Variants in RIMBP2 observed in about 807,000 individuals in gnomAD.
RIMBP2 encodes RIMS binding protein 2.
RIMBP2 carries 48 observed loss-of-function variants against 118.6 expected under a neutral mutation model. The observed-to-expected ratio is 0.40, with a 90% confidence interval of 0.32 to 0.51. RIMBP2 has a LOEUF of 0.51. RIMBP2 is among the 20% of genes least tolerant of loss of function. The pLI, the probability that RIMBP2 is intolerant of heterozygous loss-of-function variation, is 0.41. For synonymous variants in RIMBP2, 762 were observed against 742.9 expected, an observed-to-expected ratio of 1.03 and a Z score of -0.42; for missense variants, 1,551 against 1,768.3, an observed-to-expected ratio of 0.88 and a Z score of 2.20.
intron 2 of RIMBP2, among the ~76,000 whole-genome samples, chr12:130,558,402 C>T (rs1446823161): frequency 2.6e-5 from 4 of 152,102 alleles, no homozygotes; most frequent in African/African-American, 4.8e-5. Context: ...ACACAGCTGC[C>T]GGGGTGGGGC....
At chr12:130,602,772 C>T (rs7975038) in intron 2 of RIMBP2, among the ~76,000 whole-genome samples, 100,805 of 152,098 alleles carry the variant, frequency 0.66, 33,585 homozygotes, top group South Asian at 0.81. Flanking sequence ...ATGTTAAGAA[C>T]GTGTTTCCAT....
rs549301942 is a variant in RIMBP2 at position 130,511,208 on chromosome 12, C to G, written c.-126-4438G>C. The stretch of plus-strand genomic sequence containing the variant: ...ATGCTCTGCTGCCAGCTTTGAAGAT[C>G]AGGGAAGGAAGCCAAAAAAAGGCAA... On this transcript the variant is annotated intron_variant, in intron 3 of 22. Coordinates refer to ENST00000690449, the MANE Select transcript of RIMBP2 (RefSeq NM_001393629.1). The surrounding 1 kb of genome is among the most constrained non-coding windows in gnomAD (Gnocchi z 4.3). Among the ~76,000 whole-genome samples the G allele has an allele frequency of 1.2e-4, 19 of 152,142 alleles. No homozygotes were observed. The South Asian group carries it at 3.7e-3, about 30-fold the overall frequency.
intron 6 of RIMBP2, among the ~76,000 whole-genome samples, chr12:130,458,836 G>C (rs2079692192): frequency 6.6e-6 from 1 of 152,060 alleles, no homozygotes; most frequent in South Asian, 2.1e-4. Context: ...CCTGAGCTCA[G>C]GAGTTCGAGA....
intron 17 of RIMBP2, among the ~76,000 whole-genome samples, chr12:130,418,936 G>A (rs1371799676): frequency 6.6e-6 from 1 of 152,206 alleles, no homozygotes; most frequent in East Asian, 1.9e-4. Flanking sequence ...GCTCCTTCCA[G>A]AGAACTGCCC....
intron 17 of RIMBP2, among the ~76,000 whole-genome samples, chr12:130,418,374 G>A (rs146138243): frequency 2.6e-5 from 4 of 152,322 alleles, no homozygotes; most frequent in African/African-American, 9.6e-5. Flanking sequence ...TCAATAGAAT[G>A]TGAAGCGCTC....
In RIMBP2 at chr12:130,620,424, G is replaced by T. The variant is rs991563532; in HGVS notation, c.-217+7898C>A. ...AATCCCCTTCCCCTTTAGGTGGCCA[G>T]CACCAGGTTCTGCTGCGTGCAACCA... On this transcript the variant is annotated intron_variant, in intron 2 of 22. Transcript: ENST00000690449. This position sits in a 1 kb window ranked among gnomAD's most constrained non-coding sequence, Gnocchi z 5.3. 3.9e-5 allele frequency among the ~76,000 whole-genome samples: 6 copies of T among 152,146 alleles called. No individual in the cohort carries two copies. Among genetic ancestry groups the T allele is most frequent in the African/African-American group, 1.2e-4 (5 of 41,422 alleles).
chr12:130,453,713 G>GAAT (rs1274873120), intron 7 of RIMBP2, among the ~76,000 whole-genome samples: 2 of 152,230 alleles, frequency 1.3e-5, no homozygotes, highest in Non-Finnish European at 1.5e-5. Context: ...GGCACAAGAT[G>GAAT]AATACTCTTT....
At chr12:130,474,245 C>T (rs2081250322) in intron 5 of RIMBP2, among the ~76,000 whole-genome samples, 3 of 152,176 alleles carry the variant, frequency 2.0e-5, no homozygotes, top group Non-Finnish European at 2.9e-5. Flanking sequence ...GCCTCCGCCC[C>T]GCAGGTTACA....
chr12:130,399,888 A>G (rs1159439212), intron 21 of RIMBP2, 75 bp from the exon 22 acceptor site: 7 of 1,520,592 alleles, frequency 4.6e-6, no homozygotes, highest in Non-Finnish European at 6.3e-6. Flanking sequence ...CTAAAGGAAT[A>G]CAGCTCAGAG....
At chr12:130,535,744 T>TATATATATAC (rs2053992548) in intron 2 of RIMBP2, among the ~76,000 whole-genome samples, 1 of 52,070 alleles carries the variant, frequency 1.9e-5, no homozygotes, top group African/African-American at 4.6e-5. Context: ...TATACATATA[T>TATATATATAC]ATATATATAT....
intron 2 of RIMBP2, among the ~76,000 whole-genome samples, chr12:130,535,708 TATAC>T (rs1395088114): frequency 1.5e-5 from 2 of 136,780 alleles, no homozygotes; most frequent in African/African-American, 5.3e-5. Context: ...TATATACACA[TATAC>T]ATATACATAT....
At chr12:130,425,695 C>T (rs2076739619) in intron 15 of RIMBP2, 1 of 152,476 alleles carries the variant, frequency 6.6e-6, no homozygotes, top group South Asian at 2.1e-4. Context: ...CACCCTCTAC[C>T]CAAAGAGCAT....
chr12:130,476,505 A>T (rs1479612625), intron 5 of RIMBP2, among the ~76,000 whole-genome samples: 1 of 152,088 alleles, frequency 6.6e-6, no homozygotes. Context: ...CTCAGGCCCA[A>T]ATTCAACCCC....
chr12:130,526,967 G>A (rs918462112), intron 2 of RIMBP2, among the ~76,000 whole-genome samples: 3 of 152,216 alleles, frequency 2.0e-5, no homozygotes, highest in African/African-American at 7.2e-5. Context: ...CTGAACTAAG[G>A]AGAGAAGGAG....
At position 130,459,059 on chromosome 12, in the gene RIMBP2, AC is replaced by A. The variant is rs752222719; in HGVS notation, c.154-2360del. Among the ~76,000 whole-genome samples the A allele has an allele frequency of 6.3e-3, 144 of 22,936 alleles. 1 individual carries two copies. Among genetic ancestry groups the A allele is most frequent in the South Asian group, 0.022 (8 of 356 alleles). The allele number at this position is 22,936 out of a possible 152,430, so 15.0% of individuals were successfully genotyped here. A position where few individuals can be genotyped will look rare whatever the true frequency, so the allele number is the denominator to read the frequency against. On this transcript the variant is annotated intron_variant, in intron 6 of 22. Coordinates refer to ENST00000690449, the MANE Select transcript of RIMBP2 (RefSeq NM_001393629.1). ...CACTCTGTCTCAAAAAAAAAAAAAAACAAAAAAAAAGTGAATAGACTTTTCA... is the reference window on the plus strand; with the variant it reads ...CACTCTGTCTCAAAAAAAAAAAAAAAAAAAAAAAAGTGAATAGACTTTTCA...
chr12:130,579,363 A>C (rs1023098553), intron 2 of RIMBP2, among the ~76,000 whole-genome samples: 3 of 151,424 alleles, frequency 2.0e-5, no homozygotes, highest in Admixed American at 1.3e-4. Context: ...CTCAGTAAAA[A>C]CCCTGGGCCC....
At chr12:130,497,303 T>G (rs1318832328) in intron 4 of RIMBP2, among the ~76,000 whole-genome samples, 1 of 152,226 alleles carries the variant, frequency 6.6e-6, no homozygotes, top group African/African-American at 2.4e-5. Context: ...GCTTCTCACC[T>G]GCCTTCTGCT....
In RIMBP2 at chr12:130,576,377, C is replaced by A. The variant is rs891630934; in HGVS notation, c.-217+51945G>T. 2.2e-4 allele frequency among the ~76,000 whole-genome samples: 33 copies of A among 152,248 alleles called. No homozygotes were observed. The highest frequency in any genetic ancestry group is 7.5e-4 in the African/African-American group (31 of 41,550). On this transcript the variant is annotated intron_variant, in intron 2 of 22. Transcript: ENST00000690449. The surrounding 1 kb of genome is among the most constrained non-coding windows in gnomAD (Gnocchi z 4.2). ...ATCGCTGTGAGCTGTGCTTCTAGAT[C>A]CTCAGCAGGTTGGCGCATGACCCTC...
chr12:130,471,631 C>G (rs1027598689), intron 5 of RIMBP2: 2 of 152,366 alleles, frequency 1.3e-5, no homozygotes, highest in East Asian at 3.9e-4. Flanking sequence ...GCTTATTGCT[C>G]TGTGCCCCAT....
Sources: allele counts gnomAD v4.1 joint callset (sites outside exome capture counted in the v4.1 genomes callset), GRCh38; gene constraint gnomAD v4.1.1; non-coding constraint Gnocchi (gnomAD v3.1); transcripts MANE v1.5; gene names NCBI Gene and HGNC (gene_info 2026-07-23, HGNC 2026-07-21).